Variants in HEXB observed in about 807,000 individuals in gnomAD.
HEXB encodes hexosaminidase subunit beta, also known as beta-hexosaminidase subunit beta.
Under a neutral mutation model 71.2 loss-of-function variants are expected in HEXB, and 51 were observed. The observed-to-expected ratio is 0.72, with a 90% CI of 0.57 to 0.90. The LOEUF (loss-of-function observed/expected upper bound fraction) is 0.90. Ranked by LOEUF, HEXB falls within the 40% of genes least tolerant of loss-of-function variation. The pLI, the probability that HEXB is intolerant of heterozygous loss-of-function variation, is 0.00. For missense variants in HEXB, 617 were observed against 677.0 expected (o/e 0.91, Z 0.98); for synonymous variants, 266 against 249.3 (o/e 1.07, Z -0.63).
chr5:74,647,469 G>T (rs1475247819), intron 1 of HEXB, among the ~76,000 whole-genome samples: 3 of 152,232 alleles, frequency 2.0e-5, no homozygotes, highest in Admixed American at 6.5e-5. Context: ...TCAGGAAGCT[G>T]CAAGTTAACA....
intron 7 of HEXB, among the ~76,000 whole-genome samples, chr5:74,715,153 T>C (rs1749640620): frequency 6.6e-6 from 1 of 152,220 alleles, no homozygotes; most frequent in South Asian, 2.1e-4. Context: ...ACTGCAGATG[T>C]TGTTTTTTGT....
At chr5:74,719,058 T>C in intron 11 of HEXB, 87 bp downstream of exon 11, 1 of 1,311,844 alleles carries the variant, frequency 7.6e-7, no homozygotes, top group South Asian at 1.2e-5. Context: ...GTTTTATGAG[T>C]TTTCTTCCCT....
At chr5:74,712,554 T>C (rs1182923268) in intron 6 of HEXB, among the ~76,000 whole-genome samples, 1 of 152,176 alleles carries the variant, frequency 6.6e-6, no homozygotes, top group Non-Finnish European at 1.5e-5. Context: ...AGCTCCATAA[T>C]TGTGGTGAGT....
At chr5:74,682,229 G>A (rs544873570), upstream of HEXB, among the ~76,000 whole-genome samples, 1 of 152,336 alleles carries the variant, frequency 6.6e-6, no homozygotes, top group South Asian at 2.1e-4. Context: ...GTGGTGGCGG[G>A]CGCCTGTAGT....
chr5:74,659,786 T>C (rs904601299), intron 1 of HEXB, among the ~76,000 whole-genome samples: 3 of 152,232 alleles, frequency 2.0e-5, no homozygotes, highest in Non-Finnish European at 4.4e-5. Flanking sequence ...AGTGCTCTTC[T>C]TCAACCCAGG....
chr5:74,701,761 T>C (rs989003003), intron 5 of HEXB, among the ~76,000 whole-genome samples: 2 of 152,084 alleles, frequency 1.3e-5, no homozygotes, highest in East Asian at 1.9e-4. Context: ...ATTTAAGCTA[T>C]ATATTTGCTT....
chr5:74,708,398 CCAGCTAACATCAT>C (rs1749456855), intron 6 of HEXB, among the ~76,000 whole-genome samples: 1 of 147,772 alleles, frequency 6.8e-6, no homozygotes, highest in Non-Finnish European at 1.5e-5. Flanking sequence ...AGCAAAATAA[CCAGCTAACATCAT>C]AATGACAGGA....
intron 1 of HEXB, among the ~76,000 whole-genome samples, chr5:74,643,064 T>C (rs76001102): frequency 3.0e-4 from 45 of 152,176 alleles, no homozygotes; most frequent in African/African-American, 1.1e-3. Context: ...TGGAAAACAT[T>C]TTCCTGCTGA....
chr5:74,671,034 A>T (rs1285336584), intron 1 of HEXB, among the ~76,000 whole-genome samples: 4 of 152,126 alleles, frequency 2.6e-5, no homozygotes, highest in Non-Finnish European at 5.9e-5. Context: ...TCCTGACAGG[A>T]AGTCTTCAGC....
At chr5:74,678,768 G>T (rs1320856174) in intron 1 of HEXB, among the ~76,000 whole-genome samples, 1 of 151,980 alleles carries the variant, frequency 6.6e-6, no homozygotes, top group Non-Finnish European at 1.5e-5. Flanking sequence ...AAAGGTAAAA[G>T]AAAATTAACA....
intron 1 of HEXB, 97 bp downstream of exon 1, chr5:74,685,656 A>C: frequency 1.8e-6 from 2 of 1,122,814 alleles, no homozygotes; most frequent in Non-Finnish European, 2.5e-6. Flanking sequence ...CACTGCGCAG[A>C]CGAGAAACCG....
chr5:74,685,224 C>G, upstream of HEXB: 12 of 1,475,644 alleles, frequency 8.1e-6, no homozygotes, highest in Non-Finnish European at 9.8e-6. Flanking sequence ...CCCGAGGCTC[C>G]GGCTCGGCAG....
At chr5:74,657,262 C>A (rs965724513) in intron 1 of HEXB, among the ~76,000 whole-genome samples, 1 of 152,204 alleles carries the variant, frequency 6.6e-6, no homozygotes, top group African/African-American at 2.4e-5. Context: ...TCTGTTCCAG[C>A]CACACTGGCT....
upstream of HEXB, among the ~76,000 whole-genome samples, chr5:74,682,357 C>CA (rs980892076): frequency 6.0e-4 from 91 of 151,432 alleles, no homozygotes; most frequent in Middle Eastern, 3.4e-3. Context: ...GACTCCGTCT[C>CA]AAAAAAAACA....
At chr5:74,678,352 T>C (rs1281290757) in intron 1 of HEXB, among the ~76,000 whole-genome samples, 1 of 151,692 alleles carries the variant, frequency 6.6e-6, no homozygotes, top group East Asian at 1.9e-4. Context: ...CCATGCAATA[T>C]TGACTGCATA....
chr5:74,706,626 G>A (rs952896279), intron 6 of HEXB, among the ~76,000 whole-genome samples: 8 of 152,188 alleles, frequency 5.3e-5, no homozygotes, highest in East Asian at 1.9e-4. Context: ...CTTAGGAAAC[G>A]GCACACCAGG....
At chr5:74,709,908 A>C (rs1225425751) in intron 6 of HEXB, among the ~76,000 whole-genome samples, 2 of 151,968 alleles carry the variant, frequency 1.3e-5, no homozygotes, top group Admixed American at 1.3e-4. Flanking sequence ...ATCAATAGAA[A>C]AAGAGGGAAT....
intron 1 of HEXB, among the ~76,000 whole-genome samples, chr5:74,670,873 G>A (rs150544421): frequency 3.2e-4 from 49 of 152,110 alleles, no homozygotes; most frequent in Non-Finnish European, 4.9e-4. Flanking sequence ...GCACTTGCTC[G>A]CTCACACACC....
intron 1 of HEXB, among the ~76,000 whole-genome samples, chr5:74,655,753 A>C (rs889035432): frequency 6.6e-6 from 1 of 152,200 alleles, no homozygotes; most frequent in African/African-American, 2.4e-5. Flanking sequence ...CATTTGCATT[A>C]CTTTTTACAT....
Sources: allele counts gnomAD v4.1 joint callset (sites outside exome capture counted in the v4.1 genomes callset), GRCh38; gene constraint gnomAD v4.1.1; transcripts MANE v1.5; gene names NCBI Gene and HGNC (gene_info 2026-07-23, HGNC 2026-07-21).